DENND2B: variants seen among roughly 807,000 people sequenced by gnomAD.
The protein encoded by DENND2B is DENN domain-containing protein 2B.
A neutral mutation model predicts 116.0 loss-of-function variants in DENND2B; 32 were observed. The ratio of observed to expected loss-of-function variants is 0.28; its 90% CI spans 0.21 to 0.37. The LOEUF is 0.37. Ranked by LOEUF, DENND2B falls within the 10% of genes least tolerant of loss-of-function variation. The pLI is 1.00. For synonymous variants in DENND2B, 588 were observed against 583.9 expected, an observed-to-expected ratio of 1.01 and a Z score of -0.10; for missense variants, 1,276 against 1,477.7, an observed-to-expected ratio of 0.86 and a Z score of 2.24.
At chr11:8,865,668 A>G (rs1426059246) in intron 2 of DENND2B, among the ~76,000 whole-genome samples, 2 of 151,188 alleles carry the variant, frequency 1.3e-5, no homozygotes, top group African/African-American at 4.9e-5. Context: ...TTAAAAGAAA[A>G]GCTAACTACA....
chr11:8,792,188 G>A (rs1438576423), intron 1 of DENND2B, among the ~76,000 whole-genome samples: 1 of 152,206 alleles, frequency 6.6e-6, no homozygotes, highest in Admixed American at 6.5e-5. Context: ...CTGGGCAACA[G>A]AGTGAGACGC....
At chr11:8,727,373 C>G (rs1294626777) in intron 3 of DENND2B, among the ~76,000 whole-genome samples, 1 of 152,156 alleles carries the variant, frequency 6.6e-6, no homozygotes, top group East Asian at 1.9e-4. Context: ...CCCAAGCACT[C>G]AACACAACCG....
intron 3 of DENND2B, among the ~76,000 whole-genome samples, chr11:8,727,900 G>GTTT (rs35687800): frequency 9.9e-5 from 12 of 121,616 alleles, no homozygotes; most frequent in South Asian, 5.4e-4. Flanking sequence ...TTCTCCCCAG[G>GTTT]TTTTTTTTTT....
chr11:8,718,019 C>T, intron 4 of DENND2B, 127 bp from the exon 5 acceptor site: 9 of 1,079,758 alleles, frequency 8.3e-6, no homozygotes, highest in Non-Finnish European at 9.3e-6. Flanking sequence ...GGCCCCTCAG[C>T]TCATGAGTCA....
At chr11:8,758,757 C>T (rs1026717376) in intron 1 of DENND2B, among the ~76,000 whole-genome samples, 2 of 152,202 alleles carry the variant, frequency 1.3e-5, no homozygotes, top group African/African-American at 4.8e-5. Flanking sequence ...CCCTCCACCG[C>T]AGCGCTGTGC....
At chr11:8,842,331 G>T (rs2062653383) in intron 3 of DENND2B, among the ~76,000 whole-genome samples, 1 of 152,182 alleles carries the variant, frequency 6.6e-6, no homozygotes, top group African/African-American at 2.4e-5. Context: ...ACATTCCGAT[G>T]ACTGCCCTCA....
Position 8,702,911 on chromosome 11 carries a change from C to T in DENND2B, c.2572-191G>A, listed in dbSNP as rs2041969107. On this transcript the variant is annotated intron_variant, in intron 13 of 19. Coordinates refer to ENST00000313726, the MANE Select transcript of DENND2B (RefSeq NM_213618.2). This position sits in a 1 kb window ranked among gnomAD's most constrained non-coding sequence, Gnocchi z 4.6. ...CAGCTCTGCTCTCGTAGCACTCGAA[C>T]ACCCAGCCTGTGGGCAAGAGGGCTG... 1.1e-5 allele frequency: 8 copies of T among 707,102 alleles called. No individual in the cohort carries two copies. Among genetic ancestry groups the T allele is most frequent in the Non-Finnish European group, 1.8e-5 (8 of 445,118 alleles). 43.8% of individuals were successfully genotyped at this position (707,102 alleles called of 1,614,324 possible). A position where few individuals can be genotyped will look rare whatever the true frequency, so the allele number is the denominator to read the frequency against.
intron 4 of DENND2B, chr11:8,718,096 A>ACACCCCCCCCCCCCCCCCC: frequency 1.5e-5 from 1 of 65,008 alleles, no homozygotes; most frequent in South Asian, 1.1e-4. Context: ...AAGCAGACCC[A>ACACCCCCCCCCCCCCCCCC]CCCCCCCACC....
Position 8,695,457 on chromosome 11 carries a change from A to C in DENND2B, c.3379+6T>G. Reference sequence around the variant, plus strand: ...CATCTATCTCATCAGTAACAAGGCCACTTACCCAAACCTCGGAGAAACTTA... The same window carrying C: ...CATCTATCTCATCAGTAACAAGGCCCCTTACCCAAACCTCGGAGAAACTTA... On this transcript the variant is annotated splice_donor_region_variant and intron_variant, in intron 19 of 19. Coordinates refer to ENST00000313726, the MANE Select transcript of DENND2B (RefSeq NM_213618.2). The C allele has an allele frequency of 6.2e-7, 1 of 1,613,230 alleles. No individual in the cohort carries two copies. The highest frequency in any genetic ancestry group is 8.5e-7 in the Non-Finnish European group (1 of 1,179,612).
At chr11:8,719,953 T>C (rs974279629) in intron 4 of DENND2B, among the ~76,000 whole-genome samples, 1 of 152,228 alleles carries the variant, frequency 6.6e-6, no homozygotes, top group Non-Finnish European at 1.5e-5. Flanking sequence ...TGAATAATTC[T>C]TGTTGTGGTA....
chr11:8,826,594 A>G (rs1400537195), intron 4 of DENND2B, among the ~76,000 whole-genome samples: 1 of 152,180 alleles, frequency 6.6e-6, no homozygotes, highest in Non-Finnish European at 1.5e-5. Flanking sequence ...GTGGCCATTC[A>G]ACATCCGGTT....
intron 3 of DENND2B, among the ~76,000 whole-genome samples, chr11:8,841,974 C>G (rs1267210739): frequency 6.6e-6 from 1 of 152,164 alleles, no homozygotes; most frequent in African/African-American, 2.4e-5. Flanking sequence ...CCATTCTCCA[C>G]GATTTCAGCA....
chr11:8,741,283 A>G (rs376736076), intron 2 of DENND2B, among the ~76,000 whole-genome samples: 1 of 152,214 alleles, frequency 6.6e-6, no homozygotes, highest in Admixed American at 6.5e-5. Flanking sequence ...TCTGCCCCCA[A>G]GCTGATTTCT....
intron 1 of DENND2B, among the ~76,000 whole-genome samples, chr11:8,884,281 G>GAA (rs34871822): frequency 2.1e-5 from 3 of 144,202 alleles, no homozygotes; most frequent in East Asian, 2.0e-4. Flanking sequence ...TCTACTAACA[G>GAA]AAAAAAAAAA....
At chr11:8,743,938 G>A (rs372841228) in intron 2 of DENND2B, among the ~76,000 whole-genome samples, 127 of 151,030 alleles carry the variant, frequency 8.4e-4, no homozygotes, top group African/African-American at 2.7e-3. Flanking sequence ...AGATGGGGGC[G>A]GGGTCTCACT....
At chr11:8,880,695 C>T (rs2063895377) in intron 2 of DENND2B, among the ~76,000 whole-genome samples, 3 of 152,224 alleles carry the variant, frequency 2.0e-5, no homozygotes, top group Middle Eastern at 3.4e-3. Flanking sequence ...AGCAAGACTT[C>T]GTCTCTAAAA....
At chr11:8,857,822 T>C (rs1236424011) in intron 2 of DENND2B, among the ~76,000 whole-genome samples, 1 of 152,182 alleles carries the variant, frequency 6.6e-6, no homozygotes, top group African/African-American at 2.4e-5. Flanking sequence ...CTGGGCTCAG[T>C]TTCCTGTCTA....
intron 1 of DENND2B, among the ~76,000 whole-genome samples, chr11:8,757,683 G>A (rs2053851625): frequency 6.6e-6 from 1 of 152,324 alleles, no homozygotes; most frequent in Non-Finnish European, 1.5e-5. Context: ...ACCCTGTGAG[G>A]TGGGTACTAT....
intron 1 of DENND2B, among the ~76,000 whole-genome samples, chr11:8,887,927 GCCTTCGTT>G (rs2063980486): frequency 1.3e-5 from 2 of 152,102 alleles, no homozygotes; most frequent in South Asian, 4.1e-4. Context: ...GAACATCTTA[GCCTTCGTT>G]ACTACTGGGG....
Sources: allele counts gnomAD v4.1 joint callset (sites outside exome capture counted in the v4.1 genomes callset), GRCh38; gene constraint gnomAD v4.1.1; non-coding constraint Gnocchi (gnomAD v3.1); transcripts MANE v1.5; gene names NCBI Gene and HGNC (gene_info 2026-07-23, HGNC 2026-07-21).